Variants in CSNK2A2IP observed in about 807,000 individuals in gnomAD.
CSNK2A2IP encodes casein kinase II subunit alpha'-interacting protein.
At chr3:88,371,881 C>T in the CSNK2A2IP span, among the ~76,000 whole-genome samples, 1 of 151,484 alleles carries the variant, frequency 6.6e-6, no homozygotes, top group African/African-American at 2.4e-5. Flanking sequence ...TAATAGAGGC[C>T]AGGAGGCATT....
At chr3:88,342,274 A>C in the CSNK2A2IP span, among the ~76,000 whole-genome samples, 2 of 152,022 alleles carry the variant, frequency 1.3e-5, no homozygotes, top group Non-Finnish European at 1.5e-5. Flanking sequence ...TTGGCCTAAA[A>C]GCTTTTCTGT....
At chr3:88,434,796 A>G in the CSNK2A2IP span, among the ~76,000 whole-genome samples, 16,986 of 152,190 alleles carry the variant, frequency 0.11, 1,071 homozygotes, top group Non-Finnish European at 0.13. Context: ...ATTCAAAACT[A>G]TGATAATTAC....
the CSNK2A2IP span, among the ~76,000 whole-genome samples, chr3:88,462,036 T>C: frequency 1.3e-5 from 2 of 151,818 alleles, no homozygotes. Context: ...GAAGTGGTTG[T>C]TCATGTTTTG....
the CSNK2A2IP span, among the ~76,000 whole-genome samples, chr3:88,449,854 C>CACACACATATATATATAT: frequency 1.2e-5 from 1 of 84,360 alleles, no homozygotes; most frequent in African/African-American, 4.0e-5. Flanking sequence ...CACACACACA[C>CACACACATATATATATAT]ATATATATAT....
chr3:88,430,552 C>A, the CSNK2A2IP span, among the ~76,000 whole-genome samples: 3 of 151,364 alleles, frequency 2.0e-5, no homozygotes, highest in Admixed American at 6.6e-5. Context: ...GAATATTTAC[C>A]AACATACTGA....
At chr3:88,466,146 A>G in the CSNK2A2IP span, 5 of 1,231,566 alleles carry the variant, frequency 4.1e-6, no homozygotes, top group Non-Finnish European at 4.0e-6. Flanking sequence ...CTTCTTTCAA[A>G]CCCAATCAAA....
the CSNK2A2IP span, among the ~76,000 whole-genome samples, chr3:88,341,915 G>C: frequency 6.6e-6 from 1 of 151,888 alleles, no homozygotes; most frequent in Non-Finnish European, 1.5e-5. Flanking sequence ...TTTACTTAGT[G>C]TTTTGTCTCT....
the CSNK2A2IP span, among the ~76,000 whole-genome samples, chr3:88,459,175 A>G: frequency 1.3e-5 from 2 of 152,212 alleles, no homozygotes; most frequent in African/African-American, 4.8e-5. Flanking sequence ...AGTAAAAAAT[A>G]CAAAAGAACT....
chr3:88,420,096 G>A, the CSNK2A2IP span, among the ~76,000 whole-genome samples: 25 of 152,116 alleles, frequency 1.6e-4, no homozygotes, highest in African/African-American at 6.0e-4. Flanking sequence ...TTGGATATTG[G>A]TATTTTTCAA....
the CSNK2A2IP span, among the ~76,000 whole-genome samples, chr3:88,463,477 A>G: frequency 6.6e-6 from 1 of 152,164 alleles, no homozygotes; most frequent in Non-Finnish European, 1.5e-5. Flanking sequence ...AACATCGCCC[A>G]CTTTTTGATG....
chr3:88,395,819 TTTG>T, the CSNK2A2IP span, among the ~76,000 whole-genome samples: 2 of 152,222 alleles, frequency 1.3e-5, no homozygotes, highest in Admixed American at 6.5e-5. Context: ...TCTTTCATAT[TTTG>T]TTAAGTATAC....
At chr3:88,466,590 TTGGACTTTAAA>T in the CSNK2A2IP span, 1 of 1,231,636 alleles carries the variant, frequency 8.1e-7, no homozygotes, top group Non-Finnish European at 1.0e-6. Flanking sequence ...AAGAAATTCC[TTGGACTTTAAA>T]GTATAGTCAG....
chr3:88,355,382 CAG>C, the CSNK2A2IP span, among the ~76,000 whole-genome samples: 2 of 151,988 alleles, frequency 1.3e-5, no homozygotes, highest in Non-Finnish European at 2.9e-5. Context: ...AGCTCCTGCC[CAG>C]AGTCTGCACT....
At chr3:88,349,782 C>A in the CSNK2A2IP span, among the ~76,000 whole-genome samples, 1 of 152,068 alleles carries the variant, frequency 6.6e-6, no homozygotes, top group Non-Finnish European at 1.5e-5. Context: ...TTCACCACAT[C>A]CATGCCAACA....
the CSNK2A2IP span, among the ~76,000 whole-genome samples, chr3:88,446,732 G>A: frequency 2.0e-5 from 3 of 152,172 alleles, no homozygotes; most frequent in Non-Finnish European, 2.9e-5. Flanking sequence ...GTGAGAATGC[G>A]ATGAATTCTT....
chr3:88,368,707 C>A, the CSNK2A2IP span, among the ~76,000 whole-genome samples: 1 of 151,986 alleles, frequency 6.6e-6, no homozygotes, highest in Non-Finnish European at 1.5e-5. Context: ...ATTCGGAATC[C>A]AGAGTTTATT....
chr3:88,428,695 T>C, the CSNK2A2IP span, among the ~76,000 whole-genome samples: 1 of 152,114 alleles, frequency 6.6e-6, no homozygotes, highest in African/African-American at 2.4e-5. Context: ...ATACTGGATA[T>C]TGAGAAAACA....
the CSNK2A2IP span, among the ~76,000 whole-genome samples, chr3:88,439,739 T>TGAA: frequency 2.7e-5 from 1 of 37,548 alleles, no homozygotes; most frequent in African/African-American, 8.1e-5. Context: ...AGACTCTGTC[T>TGAA]CAAAAAAAAA....
the CSNK2A2IP span, among the ~76,000 whole-genome samples, chr3:88,428,533 G>A: frequency 5.3e-5 from 8 of 152,226 alleles, no homozygotes; most frequent in South Asian, 2.1e-4. Context: ...CACATGTTGC[G>A]GGAGGGACTC....
Sources: allele counts gnomAD v4.1 joint callset (sites outside exome capture counted in the v4.1 genomes callset), GRCh38; gene constraint gnomAD v4.1.1; transcripts MANE v1.5; gene names NCBI Gene and HGNC (gene_info 2026-07-23, HGNC 2026-07-21).